The following TET2 variants were observed in gnomAD, a reference collection of about 807,000 sequenced individuals.
TET2 encodes methylcytosine dioxygenase TET2.
TET2 carries 299 observed loss-of-function variants against 142.9 expected under a neutral mutation model. That is an observed-to-expected ratio of 2.09 (90% confidence interval 1.90 to 2.30). The LOEUF is 2.30. Among genes scored for constraint, TET2 ranks in the 30% most tolerant of loss-of-function variants. The probability of loss-of-function intolerance (pLI) is 0.00; values close to 1 mark genes in which losing one functional copy is unlikely to be tolerated. For synonymous variants in TET2, 819 were observed against 849.0 expected (o/e 0.96, Z 0.61); for missense variants, 2,418 against 2,378.0 (o/e 1.02, Z -0.35).
intron 2 of TET2, among the ~76,000 whole-genome samples, chr4:105,194,066 C>G (rs746711008): frequency 6.6e-6 from 1 of 152,052 alleles, no homozygotes; most frequent in Non-Finnish European, 1.5e-5. Context: ...ATGCCTCTAG[C>G]TAGTATCTAA....
intron 1 of TET2, among the ~76,000 whole-genome samples, chr4:105,159,563 T>C (rs1723741575): frequency 6.6e-6 from 1 of 152,148 alleles, no homozygotes; most frequent in South Asian, 2.1e-4. Flanking sequence ...CTAAGATTAA[T>C]CTTTTTATGC....
intron 2 of TET2, among the ~76,000 whole-genome samples, chr4:105,198,953 A>G (rs1726267907): frequency 6.6e-6 from 1 of 151,862 alleles, no homozygotes; most frequent in Admixed American, 6.6e-5. Context: ...TTTTTTTTTC[A>G]CTAAAGTGTC....
Position 105,275,124 on chromosome 4 carries a change from CCAGCAGCAGCAGAGACCCCAG to C in TET2, c.4625_4645del (p.Gln1542_Gln1548del), listed in dbSNP as rs1400483122. ...CTCTACAGAAGCAGCCACCACAGCCCCAGCAGCAGCAGAGACCCCAGCAGCAGCAGCCACATCACCCTCAGA... is the reference window on the plus strand; with the variant it reads ...CTCTACAGAAGCAGCCACCACAGCCCCAGCAGCAGCCACATCACCCTCAGA... On this transcript the variant is annotated inframe_deletion, in exon 11 of 11. Coordinates refer to ENST00000380013, the MANE Select transcript of TET2 (RefSeq NM_001127208.3). The C allele has an allele frequency of 5.7e-5, 89 of 1,551,404 alleles. No homozygotes were observed. The highest frequency in any genetic ancestry group is 7.3e-5 in the Non-Finnish European group (84 of 1,146,842).
Position 105,236,896 on chromosome 4 carries a change from C to A in TET2, c.2954C>A (p.Pro985His). The A allele has an allele frequency of 6.2e-7, 1 of 1,614,114 alleles. No individual in the cohort carries two copies. Among genetic ancestry groups the A allele is most frequent in the Non-Finnish European group, 8.5e-7 (1 of 1,180,018 alleles). The change falls in exon 3 of 11, where the codon CCT becomes CAT. Residue 985 changes from proline (P) to histidine (H), a missense_variant. By Grantham distance (77) the Pro-to-His change is moderately conservative (BLOSUM62 -2). Coordinates refer to ENST00000380013, the MANE Select transcript of TET2 (RefSeq NM_001127208.3). Reference sequence around the variant, plus strand: ...ATGCACAGGCCAATTAAGGTGGAACCTGGATGCAAGCCACATGCCTGTATG... The same window carrying A: ...ATGCACAGGCCAATTAAGGTGGAACATGGATGCAAGCCACATGCCTGTATG... ...SQMHRPIKVE[P>H]GCKPHACMHT...
intron 3 of TET2, chr4:105,240,521 A>T: frequency 1.9e-6 from 2 of 1,078,584 alleles, no homozygotes; most frequent in South Asian, 4.6e-5. Flanking sequence ...TACCCGTGCC[A>T]TGTTTTCCCT....
chr4:105,269,308 G>A (rs564929485), intron 8 of TET2, among the ~76,000 whole-genome samples: 243 of 152,286 alleles, frequency 1.6e-3, no homozygotes, highest in Non-Finnish European at 7.5e-4. Context: ...AAAGCAGGAA[G>A]CATGAATTAT....
At chr4:105,237,445 T>C (rs758820732) in intron 3 of TET2, 94 bp downstream of exon 3, 1 of 1,613,238 alleles carries the variant, frequency 6.2e-7, no homozygotes, top group South Asian at 1.1e-5. Flanking sequence ...TTTTAAATCT[T>C]GAGTCTGGCA....
rs189964833 is a variant in TET2 at position 105,262,487 on chromosome 4, T to C, written c.4044+639T>C. ...TAAAATCTTCACTGTTTCAGTAACA[T>C]CAACAACAAAAGCATTAAGTGAAAG... On this transcript the variant is annotated intron_variant, in intron 8 of 10. Transcript: ENST00000380013. 1.2e-4 allele frequency among the ~76,000 whole-genome samples: 18 copies of C among 152,232 alleles called. No individual in the cohort carries two copies. In the East Asian group the frequency reaches 3.5e-3, roughly 29 times the overall value.
chr4:105,146,674 C>T, upstream of TET2: 1 of 152,372 alleles, frequency 6.6e-6, no homozygotes, highest in Non-Finnish European at 1.5e-5. Context: ...AGGAGGAGAG[C>T]CGGCGGTAGC....
In TET2 at chr4:105,234,569, TG is replaced by T; in HGVS notation, c.629del (p.Gly210ValfsTer40). On this transcript the variant is annotated frameshift_variant, in exon 3 of 11. Transcript: ENST00000380013. LOFTEE classifies it high-confidence loss of function. ...LKNKAVLMPN[G>X]ATVSASSVEH... ...AAAACAAGGCAGTGCTAATGCCTAA[TG>T]GTGCTACAGTTTCTGCCTCTTCCGT... is the stretch of plus-strand genomic sequence containing the variant. 1 of 1,614,198 alleles carries T rather than the reference TG, an allele frequency of 6.2e-7. No individual in the cohort carries two copies. Among genetic ancestry groups the T allele is most frequent in the Non-Finnish European group, 8.5e-7 (1 of 1,180,028 alleles).
rs376610011 is a variant in TET2 at position 105,191,051 on chromosome 4, C to T, written c.-47+546C>T. ...AGGAGCAGCTATGTGATTTTACATACGGTTTGTTTTTAATGGATAGAGACA... is the reference window on the plus strand; with the variant it reads ...AGGAGCAGCTATGTGATTTTACATATGGTTTGTTTTTAATGGATAGAGACA... On this transcript the variant is annotated intron_variant, in intron 2 of 10. Coordinates refer to ENST00000380013, the MANE Select transcript of TET2 (RefSeq NM_001127208.3). Among the ~76,000 whole-genome samples, 21 of 152,156 alleles carry T rather than the reference C, an allele frequency of 1.4e-4. No individual in the cohort carries two copies. The East Asian group carries it at 3.3e-3, about 24-fold the overall frequency.
At chr4:105,239,115 G>C (rs186811347) in intron 3 of TET2, 1 of 230,368 alleles carries the variant, frequency 4.3e-6, no homozygotes, top group Non-Finnish European at 9.2e-6. Flanking sequence ...TCAACACTGG[G>C]CTTAAAATAT....
chr4:105,277,845 A>G lies in TET2; in HGVS notation c.*1326A>G. On this transcript the variant is annotated 3_prime_UTR_variant, in exon 11 of 11. Coordinates refer to ENST00000380013, the MANE Select transcript of TET2 (RefSeq NM_001127208.3). Reference sequence around the variant, plus strand: ...TGAAGCCTATGCTATTTTATGGATCATAGGCTCTTCAGAGAACTGAATGGC... The same window carrying G: ...TGAAGCCTATGCTATTTTATGGATCGTAGGCTCTTCAGAGAACTGAATGGC... The G allele has an allele frequency of 4.4e-6, 1 of 224,870 alleles. No homozygotes were observed. The highest frequency in any genetic ancestry group is 8.9e-6 in the Non-Finnish European group (1 of 112,820). 13.9% of individuals were successfully genotyped at this position (224,870 alleles called of 1,614,324 possible).
At chr4:105,151,509 A>G (rs1723299266) in intron 1 of TET2, among the ~76,000 whole-genome samples, 2 of 150,852 alleles carry the variant, frequency 1.3e-5, no homozygotes, top group South Asian at 4.2e-4. Flanking sequence ...TATATAATAT[A>G]TGTAAAAATA....
intron 2 of TET2, among the ~76,000 whole-genome samples, chr4:105,217,375 A>G (rs1342369528): frequency 6.6e-6 from 1 of 152,076 alleles, no homozygotes; most frequent in Admixed American, 6.6e-5. Context: ...TCAGAACTCT[A>G]CATCTGAGTG....
chr4:105,237,680 A>C, intron 3 of TET2: 1 of 1,334,696 alleles, frequency 7.5e-7, no homozygotes, highest in Admixed American at 3.7e-5. Flanking sequence ...CTGGAGAGAC[A>C]GCTAGGCAGC....
chr4:105,199,086 A>G (rs1029367184), intron 2 of TET2, among the ~76,000 whole-genome samples: 2 of 152,228 alleles, frequency 1.3e-5, no homozygotes, highest in African/African-American at 4.8e-5. Flanking sequence ...TACTGTAGAA[A>G]GAGAAGTTTG....
chr4:105,160,589 C>T (rs1723799358), intron 1 of TET2, among the ~76,000 whole-genome samples: 1 of 152,174 alleles, frequency 6.6e-6, no homozygotes, highest in African/African-American at 2.4e-5. Context: ...GAAAAGTTAG[C>T]TCATTTGACT....
intron 1 of TET2, among the ~76,000 whole-genome samples, chr4:105,160,004 G>GA (rs796114559): frequency 0.016 from 2,245 of 144,014 alleles, 53 homozygotes; most frequent in African/African-American, 0.051. Flanking sequence ...CTCCGTCTCA[G>GA]AAAAAAAAAA....
Sources: gnomAD v4.1 joint callset for allele counts (sites outside exome capture counted in the v4.1 genomes callset) on GRCh38, gnomAD v4.1.1 for gene constraint, MANE v1.5 for transcripts, NCBI Gene and HGNC (gene_info 2026-07-23, HGNC 2026-07-21) for gene names.